The following PREX2 variants were observed in gnomAD, a reference collection of about 807,000 sequenced individuals.
PREX2 encodes the protein phosphatidylinositol-3,4,5-trisphosphate dependent Rac exchange factor 2.
Under a neutral mutation model 203.2 loss-of-function variants are expected in PREX2, and 107 were observed. The observed-to-expected ratio is 0.53, with a 90% confidence interval of 0.45 to 0.62. The LOEUF (loss-of-function observed/expected upper bound fraction) is 0.62. PREX2 is among the 20% of genes least tolerant of loss of function. The probability of loss-of-function intolerance (pLI) is 0.00; values close to 1 mark genes in which losing one functional copy is unlikely to be tolerated. For synonymous variants in PREX2, 672 were observed against 663.6 expected, an observed-to-expected ratio of 1.01 and a Z score of -0.19; for missense variants, 1,777 against 1,955.9, an observed-to-expected ratio of 0.91 and a Z score of 1.72.
chr8:67,953,989 A>T (rs1805427010), intron 1 of PREX2, among the ~76,000 whole-genome samples: 2 of 152,224 alleles, frequency 1.3e-5, no homozygotes, highest in Non-Finnish European at 2.9e-5. Context: ...CTTTCTGAAG[A>T]TCTGTGAACA....
intron 26 of PREX2, among the ~76,000 whole-genome samples, chr8:68,117,242 A>G (rs773307779): frequency 1.3e-5 from 2 of 152,130 alleles, no homozygotes; most frequent in Non-Finnish European, 1.5e-5. Flanking sequence ...AGGTTCTGAT[A>G]GGAATTCCAT....
At chr8:68,076,110 A>G (rs780764297) in intron 14 of PREX2, among the ~76,000 whole-genome samples, 35 of 152,336 alleles carry the variant, frequency 2.3e-4, no homozygotes, top group Non-Finnish European at 3.5e-4. Context: ...TTGATACATT[A>G]TGATTCTAAA....
At chr8:68,170,134 G>A (rs1318845385) in intron 35 of PREX2, among the ~76,000 whole-genome samples, 1 of 152,186 alleles carries the variant, frequency 6.6e-6, no homozygotes, top group Non-Finnish European at 1.5e-5. Context: ...ATAGGAATAA[G>A]CTTGTCATGT....
intron 3 of PREX2, 42 bp downstream of exon 3, chr8:68,019,713 A>G (rs1049561841): frequency 7.1e-6 from 11 of 1,559,344 alleles, no homozygotes; most frequent in East Asian, 2.2e-5. Flanking sequence ...CTTTTCCCCT[A>G]GATTTTGAGA....
At chr8:68,150,221 G>A (rs893811362) in intron 34 of PREX2, among the ~76,000 whole-genome samples, 1 of 152,198 alleles carries the variant, frequency 6.6e-6, no homozygotes, top group African/African-American at 2.4e-5. Context: ...TAGGGACTGG[G>A]AGAGGCTTTT....
At chr8:67,965,703 C>T (rs1013753351) in intron 1 of PREX2, among the ~76,000 whole-genome samples, 8 of 152,052 alleles carry the variant, frequency 5.3e-5, no homozygotes, top group African/African-American at 1.7e-4. Context: ...GCCAGACCTA[C>T]TTTGTTTGAC....
intron 1 of PREX2, among the ~76,000 whole-genome samples, chr8:67,962,395 A>G (rs946945572): frequency 3.9e-5 from 6 of 152,128 alleles, no homozygotes; most frequent in African/African-American, 1.4e-4. Flanking sequence ...CAGTAGCACT[A>G]GGAGACCATC....
chr8:68,097,885 G>A (rs138928981), intron 22 of PREX2, among the ~76,000 whole-genome samples: 4 of 152,284 alleles, frequency 2.6e-5, no homozygotes, highest in East Asian at 3.9e-4. Flanking sequence ...ATTCAAAGTC[G>A]TGAAATACAT....
chr8:67,998,984 G>A (rs1009889751), intron 1 of PREX2, among the ~76,000 whole-genome samples: 1 of 152,116 alleles, frequency 6.6e-6, no homozygotes, highest in African/African-American at 2.4e-5. Flanking sequence ...GAAAGAGAGC[G>A]ATTTTGTAAC....
chr8:68,098,938 G>GTATATATATATATATATA (rs71253061), intron 22 of PREX2, among the ~76,000 whole-genome samples: 10 of 109,820 alleles, frequency 9.1e-5, no homozygotes, highest in Non-Finnish European at 1.2e-4. Context: ...ATATATATGT[G>GTATATATATATATATATA]TATATATATA....
chr8:68,105,082 G>T, intron 23 of PREX2: 1 of 1,309,044 alleles, frequency 7.6e-7, no homozygotes, highest in African/African-American at 1.5e-5. Flanking sequence ...GCACAATCAG[G>T]ATGTTCTCAT....
intron 1 of PREX2, among the ~76,000 whole-genome samples, chr8:67,996,158 T>A (rs1239354679): frequency 1.3e-5 from 2 of 152,158 alleles, no homozygotes; most frequent in Non-Finnish European, 2.9e-5. Flanking sequence ...TTTACCCATT[T>A]GAAAATATTG....
intron 37 of PREX2, among the ~76,000 whole-genome samples, chr8:68,200,061 C>T (rs771402992): frequency 3.9e-5 from 6 of 152,114 alleles, no homozygotes; most frequent in Non-Finnish European, 8.8e-5. Flanking sequence ...TATTTATTTA[C>T]TTTTTGTGCA....
intron 34 of PREX2, among the ~76,000 whole-genome samples, chr8:68,153,965 T>C (rs903626851): frequency 2.6e-5 from 4 of 152,256 alleles, no homozygotes; most frequent in Non-Finnish European, 4.4e-5. Flanking sequence ...TATTAAATTA[T>C]GTTTACATAC....
At chr8:67,970,024 C>A (rs16933857) in intron 1 of PREX2, among the ~76,000 whole-genome samples, 7 of 151,966 alleles carry the variant, frequency 4.6e-5, no homozygotes, top group Admixed American at 4.6e-4. Flanking sequence ...ATATTTTTTC[C>A]TCTTGGTTGT....
rs571247162 is a variant in PREX2, at chr8:68,236,603, G to T, written c.*5225G>T. On this transcript the variant is annotated 3_prime_UTR_variant, in exon 40 of 40. Coordinates refer to ENST00000288368, the MANE Select transcript of PREX2 (RefSeq NM_024870.4). ...TGAATTTGAATATCTAATGCCTCAA[G>T]CAAATTTATTAGAGTTTCAGATGAA... 1.3e-5 allele frequency: 2 copies of T among 152,226 alleles called. No homozygotes were observed. The highest frequency in any genetic ancestry group is 3.9e-4 in the East Asian group (2 of 5,178). The allele number at this position is 152,226 out of a possible 1,614,324, so 9.4% of individuals were successfully genotyped here.
Position 68,232,433 on chromosome 8 carries a change from T to A in PREX2, c.*1055T>A, listed in dbSNP as rs114618441. 1.1e-3 allele frequency: 173 copies of A among 152,310 alleles called. 1 individual carries two copies. The highest frequency in any genetic ancestry group is 4.1e-3 in the African/African-American group (172 of 41,574). The allele number at this position is 152,310 out of a possible 1,614,324, so 9.4% of individuals were successfully genotyped here. A position where few individuals can be genotyped will look rare whatever the true frequency, so the allele number is the denominator to read the frequency against. On this transcript the variant is annotated 3_prime_UTR_variant, in exon 40 of 40. Coordinates refer to ENST00000288368, the MANE Select transcript of PREX2 (RefSeq NM_024870.4). The stretch of plus-strand genomic sequence containing the variant: ...TGTATTCTATCCTTATTCTAAAGTA[T>A]ATGTAATGTTTATCATTTCTACATT...
chr8:68,203,558 G>A (rs957681653), intron 37 of PREX2, among the ~76,000 whole-genome samples: 1 of 152,190 alleles, frequency 6.6e-6, no homozygotes, highest in Admixed American at 6.5e-5. Flanking sequence ...ACATTACTAA[G>A]AATTTTTAGG....
chr8:67,994,244 G>T (rs1806698140), intron 1 of PREX2, among the ~76,000 whole-genome samples: 2 of 152,204 alleles, frequency 1.3e-5, no homozygotes, highest in African/African-American at 4.8e-5. Context: ...CTGGTCATCA[G>T]CTGGTGGGCT....
Sources: allele counts gnomAD v4.1 joint callset (sites outside exome capture counted in the v4.1 genomes callset), GRCh38; gene constraint gnomAD v4.1.1; transcripts MANE v1.5; gene names NCBI Gene and HGNC (gene_info 2026-07-23, HGNC 2026-07-21).